The following CDH18 variants were observed in gnomAD, a reference collection of about 807,000 sequenced individuals.
CDH18 encodes cadherin-18.
A neutral mutation model predicts 67.9 loss-of-function variants in CDH18; 31 were observed. That is an observed-to-expected ratio of 0.46 (90% CI 0.34 to 0.62). CDH18 has a LOEUF of 0.62. CDH18 is among the 20% of genes least tolerant of loss of function. The pLI is 0.01. For synonymous variants in CDH18, 362 were observed against 347.2 expected (o/e 1.04, Z -0.48); for missense variants, 890 against 975.5 (o/e 0.91, Z 1.17).
At chr5:19,848,946 T>TAC (rs917435172) in intron 2 of CDH18, among the ~76,000 whole-genome samples, 2 of 150,074 alleles carry the variant, frequency 1.3e-5, no homozygotes, top group African/African-American at 4.9e-5. Flanking sequence ...TGTGTATATA[T>TAC]ACACACACAC....
intron 4 of CDH18, 85 bp downstream of exon 4, chr5:19,746,857 T>A: frequency 9.7e-7 from 1 of 1,035,354 alleles, no homozygotes; most frequent in South Asian, 1.5e-5. Context: ...GATATATATA[T>A]ATAAGTAAAA....
intron 5 of CDH18, among the ~76,000 whole-genome samples, chr5:19,614,143 G>C (rs958923209): frequency 1.3e-5 from 2 of 151,874 alleles, no homozygotes; most frequent in Admixed American, 1.3e-4. Flanking sequence ...GCCTTTAAAA[G>C]CAGAAAGGAG....
intron 3 of CDH18, among the ~76,000 whole-genome samples, chr5:19,778,821 A>G (rs1305984298): frequency 6.6e-6 from 1 of 152,180 alleles, no homozygotes; most frequent in East Asian, 1.9e-4. Flanking sequence ...TCATGCTGAT[A>G]TCTCATCCCT....
intron 10 of CDH18, among the ~76,000 whole-genome samples, chr5:19,510,419 T>C (rs1312564187): frequency 6.6e-6 from 1 of 152,152 alleles, no homozygotes; most frequent in Non-Finnish European, 1.5e-5. Flanking sequence ...AAAGTTATTT[T>C]GGTGGAAGAG....
intron 2 of CDH18, among the ~76,000 whole-genome samples, chr5:20,227,564 A>G (rs1027681892): frequency 1.3e-5 from 2 of 152,120 alleles, no homozygotes; most frequent in African/African-American, 4.8e-5. Context: ...TTCATTTCTC[A>G]TATCTAAAAA....
chr5:19,619,562 T>C (rs567885102), intron 5 of CDH18, among the ~76,000 whole-genome samples: 3 of 152,304 alleles, frequency 2.0e-5, no homozygotes, highest in African/African-American at 7.2e-5. Context: ...CAAATTTAGC[T>C]TCAGTGGAAA....
At chr5:20,509,800 C>T (rs547811052) in intron 1 of CDH18, among the ~76,000 whole-genome samples, 1 of 152,246 alleles carries the variant, frequency 6.6e-6, no homozygotes, top group South Asian at 2.1e-4. Context: ...TATGGAAGGA[C>T]ACTTAGGTTA....
chr5:19,558,570 T>C (rs536863636), intron 8 of CDH18, among the ~76,000 whole-genome samples: 1 of 151,896 alleles, frequency 6.6e-6, no homozygotes, highest in East Asian at 2.0e-4. Context: ...CCTGGAAATA[T>C]ACAACCCTCC....
At chr5:20,074,020 T>C (rs1743712709) in intron 2 of CDH18, among the ~76,000 whole-genome samples, 2 of 152,100 alleles carry the variant, frequency 1.3e-5, no homozygotes, top group African/African-American at 4.8e-5. Flanking sequence ...TTTCTTTACG[T>C]AATCAGAAAT....
intron 1 of CDH18, among the ~76,000 whole-genome samples, chr5:20,416,364 TTAAG>T (rs1239927860): frequency 6.6e-6 from 1 of 152,110 alleles, no homozygotes; most frequent in Non-Finnish European, 1.5e-5. Flanking sequence ...TTATGAAGAA[TTAAG>T]TAATTATATT....
chr5:19,555,157 A>C (rs6882679), intron 8 of CDH18, among the ~76,000 whole-genome samples: 87,153 of 151,988 alleles, frequency 0.57, 25,909 homozygotes, highest in Middle Eastern at 0.71. Context: ...GAGAGGAGGC[A>C]GGACTAACTT....
chr5:20,202,912 G>GAAAAC lies in CDH18; in HGVS notation c.-518+52527_-518+52531dup, dbSNP rs543494006. On this transcript the variant is annotated intron_variant, in intron 2 of 14. Transcript: ENST00000507958. ...AAACTGGCTTCACTCCCATTCAGAA[G>GAAAAC]AAAACAAAACAAAACAAAACAAACA... is the stretch of plus-strand genomic sequence containing the variant. 3.7e-3 allele frequency among the ~76,000 whole-genome samples: 559 copies of GAAAAC among 151,880 alleles called. 3 individuals carry two copies. Among genetic ancestry groups the GAAAAC allele is most frequent in the Non-Finnish European group, 4.2e-3 (283 of 67,938 alleles).
intron 2 of CDH18, among the ~76,000 whole-genome samples, chr5:20,229,229 T>C (rs1694609192): frequency 6.6e-6 from 1 of 152,102 alleles, no homozygotes; most frequent in Admixed American, 6.6e-5. Context: ...GAGTTATATG[T>C]TGTTTACTGA....
intron 2 of CDH18, among the ~76,000 whole-genome samples, chr5:19,877,288 C>A (rs1384796369): frequency 6.6e-6 from 1 of 151,916 alleles, no homozygotes; most frequent in Admixed American, 6.6e-5. Context: ...ATTGTGAAGG[C>A]AATACTGGAA....
At chr5:19,822,714 G>A (rs1040297294) in intron 3 of CDH18, among the ~76,000 whole-genome samples, 3 of 152,160 alleles carry the variant, frequency 2.0e-5, no homozygotes, top group Non-Finnish European at 4.4e-5. Flanking sequence ...GAGGCAGGGC[G>A]AGATCACAGG....
chr5:20,106,951 G>A (rs1746993495), intron 2 of CDH18, among the ~76,000 whole-genome samples: 1 of 152,102 alleles, frequency 6.6e-6, no homozygotes, highest in Non-Finnish European at 1.5e-5. Context: ...AAAAATTGTT[G>A]TGTGCCTCGA....
At chr5:19,915,914 A>G (rs952365974) in intron 2 of CDH18, among the ~76,000 whole-genome samples, 1 of 152,160 alleles carries the variant, frequency 6.6e-6, no homozygotes, top group Non-Finnish European at 1.5e-5. Context: ...TATTAACAGA[A>G]CGTATGTGTT....
intron 2 of CDH18, among the ~76,000 whole-genome samples, chr5:20,174,447 C>G (rs529716734): frequency 7.2e-5 from 11 of 152,122 alleles, no homozygotes; most frequent in Non-Finnish European, 1.2e-4. Flanking sequence ...AAAGGTAACA[C>G]AGATACACTC....
intron 2 of CDH18, among the ~76,000 whole-genome samples, chr5:19,853,469 G>A (rs1346502589): frequency 2.6e-5 from 4 of 152,188 alleles, no homozygotes; most frequent in African/African-American, 4.8e-5. Flanking sequence ...ATAATGAGAC[G>A]TATTCTTACA....
Sources: allele counts gnomAD v4.1 joint callset (sites outside exome capture counted in the v4.1 genomes callset), GRCh38; gene constraint gnomAD v4.1.1; transcripts MANE v1.5; gene names NCBI Gene and HGNC (gene_info 2026-07-23, HGNC 2026-07-21).